Variants in CLIP1 observed in about 807,000 individuals in gnomAD.
CLIP1 encodes the protein CAP-Gly domain containing linker protein 1, also known as CAP-Gly domain-containing linker protein 1.
A neutral mutation model predicts 161.6 loss-of-function variants in CLIP1; 66 were observed. That is an observed-to-expected ratio of 0.41 (90% CI 0.33 to 0.50). The LOEUF (loss-of-function observed/expected upper bound fraction) is 0.50. Ranked by LOEUF, CLIP1 falls within the 20% of genes least tolerant of loss-of-function variation. The pLI is 0.27. For synonymous variants in CLIP1, 598 were observed against 626.2 expected (o/e 0.96, Z 0.67); for missense variants, 1,376 against 1,702.0 (o/e 0.81, Z 3.37).
intron 1 of CLIP1, among the ~76,000 whole-genome samples, chr12:122,409,417 C>T (rs113396629): frequency 0.02 from 3,071 of 152,172 alleles, 70 homozygotes; most frequent in African/African-American, 0.051. Flanking sequence ...CGAGCCACCA[C>T]GCCCAGCCTA....
rs1951774123 is a variant in CLIP1 at position 122,328,010 on chromosome 12, C to T, written c.3186G>A (p.Arg1062=). Residue 1062 remains arginine, a synonymous_variant, in exon 17 of 26, where the codon CGG becomes CGA. Transcript: ENST00000620786. The stretch of plus-strand genomic sequence containing the variant: ...CCTGCAGCAAGCCACTGTTCTCCTC[C>T]CGTGCGCCCTTCAGCTTGTCCTCTG... ...LDTEDKLKGA[R]EENSGLLQEL... is the part of the protein sequence containing the mutation. 1.2e-6 allele frequency: 2 copies of T among 1,614,176 alleles called. No individual in the cohort carries two copies. Among genetic ancestry groups the T allele is most frequent in the Middle Eastern group, 3.3e-4 (2 of 6,062 alleles).
intron 18 of CLIP1, 93 bp from the exon 19 acceptor site, chr12:122,316,948 A>G: frequency 1.3e-6 from 1 of 792,720 alleles, no homozygotes; most frequent in Non-Finnish European, 2.0e-6. Context: ...TACTGAAAAG[A>G]CAGATGAAAT....
intron 20 of CLIP1, among the ~76,000 whole-genome samples, chr12:122,289,536 ACT>A: frequency 6.6e-6 from 1 of 152,128 alleles, no homozygotes; most frequent in Non-Finnish European, 1.5e-5. Context: ...CAGGCTACAT[ACT>A]CTCTGTGGGC....
chr12:122,273,890 C>A, intron 25 of CLIP1, 148 bp downstream of exon 25: 1 of 589,992 alleles, frequency 1.7e-6, no homozygotes, highest in Non-Finnish European at 3.0e-6. Flanking sequence ...CAACACTACG[C>A]CTGGCTAACT....
intron 21 of CLIP1, among the ~76,000 whole-genome samples, chr12:122,281,292 T>C (rs958462561): frequency 6.6e-6 from 1 of 152,170 alleles, no homozygotes; most frequent in African/African-American, 2.4e-5. Flanking sequence ...GGACATAGGC[T>C]CTTGCTTAGG....
chr12:122,336,565 C>CT, intron 12 of CLIP1, 67 bp downstream of exon 12: 1 of 799,254 alleles, frequency 1.3e-6, no homozygotes, highest in South Asian at 1.6e-5. Context: ...ATATTTCTTA[C>CT]TGGAGGATTT....
chr12:122,302,963 C>T (rs1178257816), intron 20 of CLIP1, among the ~76,000 whole-genome samples: 1 of 152,074 alleles, frequency 6.6e-6, no homozygotes, highest in Admixed American at 6.6e-5. Flanking sequence ...AACTCCTAAG[C>T]TCAAACAGTC....
rs1954315087 is a variant in CLIP1 at position 122,369,277 on chromosome 12, C to A, written c.658-5170G>T. ...CTCAACTGATTCCACCCACCTTGAC[C>A]TCCCAAAATGCTAGGATTACAGACG... On this transcript the variant is annotated intron_variant, in intron 3 of 25. Transcript: ENST00000620786. Among the ~76,000 whole-genome samples, 2 of 152,068 alleles carry A rather than the reference C, an allele frequency of 1.3e-5. 1 individual carries two copies. Among genetic ancestry groups the A allele is most frequent in the South Asian group, 4.1e-4 (2 of 4,820 alleles).
chr12:122,363,512 G>T (rs1194120663), intron 4 of CLIP1, among the ~76,000 whole-genome samples: 1 of 148,630 alleles, frequency 6.7e-6, no homozygotes, highest in African/African-American at 2.5e-5. Flanking sequence ...AAAAAAAAAA[G>T]AATGGGGTTA....
chr12:122,305,214 T>C (rs2136458284), intron 20 of CLIP1, among the ~76,000 whole-genome samples: 1 of 152,294 alleles, frequency 6.6e-6, no homozygotes, highest in African/African-American at 2.4e-5. Flanking sequence ...ATCAGACATA[T>C]CAAAAGTGAC....
At chr12:122,294,819 T>C (rs974056198) in intron 20 of CLIP1, among the ~76,000 whole-genome samples, 8 of 151,920 alleles carry the variant, frequency 5.3e-5, no homozygotes, top group African/African-American at 1.9e-4. Context: ...GGAGGCAAGG[T>C]AGGCAGATCA....
chr12:122,416,903 A>G (rs2137217859), intron 1 of CLIP1, among the ~76,000 whole-genome samples: 2 of 151,938 alleles, frequency 1.3e-5, no homozygotes, highest in Middle Eastern at 6.8e-3. Flanking sequence ...TCCATCTCAA[A>G]AAATAATTAT....
intron 1 of CLIP1, among the ~76,000 whole-genome samples, chr12:122,388,280 C>T (rs1370250742): frequency 2.0e-5 from 3 of 151,122 alleles, no homozygotes; most frequent in Non-Finnish European, 2.9e-5. Flanking sequence ...AGCGCAGTGG[C>T]GCGATCTCGG....
intron 3 of CLIP1, among the ~76,000 whole-genome samples, chr12:122,375,808 C>CTTTT (rs10715025): frequency 4.2e-5 from 5 of 120,130 alleles, no homozygotes; most frequent in African/African-American, 6.2e-5. Context: ...TAAAGTTACT[C>CTTTT]TTTTTTTTTT....
intron 1 of CLIP1, among the ~76,000 whole-genome samples, chr12:122,391,403 T>C (rs7973480): frequency 0.61 from 92,894 of 151,494 alleles, 28,847 homozygotes; most frequent in Non-Finnish European, 0.64. Flanking sequence ...CTGGCCAACA[T>C]GGTGACACCC....
At chr12:122,387,182 G>A (rs1012158712) in intron 1 of CLIP1, among the ~76,000 whole-genome samples, 6 of 152,072 alleles carry the variant, frequency 3.9e-5, no homozygotes, top group Non-Finnish European at 7.4e-5. Context: ...GTGCACCACC[G>A]TGCCCAGCCT....
intron 1 of CLIP1, among the ~76,000 whole-genome samples, chr12:122,391,005 C>G (rs1161285768): frequency 6.6e-6 from 1 of 152,034 alleles, no homozygotes; most frequent in Admixed American, 6.6e-5. Context: ...GTTTACACTT[C>G]CGGCTCGGTG....
chr12:122,294,600 A>G (rs1950399438), intron 20 of CLIP1, among the ~76,000 whole-genome samples: 1 of 152,008 alleles, frequency 6.6e-6, no homozygotes. Flanking sequence ...TTGTCTCTAT[A>G]AAAAGATCAA....
At chr12:122,400,715 C>T (rs937317734) in intron 1 of CLIP1, 3 of 152,080 alleles carry the variant, frequency 2.0e-5, no homozygotes, top group Non-Finnish European at 4.4e-5. Context: ...GATTTGTCTT[C>T]GCATCCAACG....
Sources: allele counts gnomAD v4.1 joint callset (sites outside exome capture counted in the v4.1 genomes callset), GRCh38; gene constraint gnomAD v4.1.1; transcripts MANE v1.5; gene names NCBI Gene and HGNC (gene_info 2026-07-23, HGNC 2026-07-21).